Variants in ABCD3 observed in about 807,000 individuals in gnomAD.
ABCD3 encodes the protein ATP-binding cassette sub-family D member 3.
Under a neutral mutation model 105.5 loss-of-function variants are expected in ABCD3, and 41 were observed. That is an observed-to-expected ratio of 0.39 (90% confidence interval 0.30 to 0.50). The LOEUF (loss-of-function observed/expected upper bound fraction) is 0.50. ABCD3 is among the 20% of genes least tolerant of loss of function. The pLI is 0.84. For missense variants in ABCD3, 622 were observed against 806.3 expected (o/e 0.77, Z 2.77); for synonymous variants, 258 against 269.0 (o/e 0.96, Z 0.40).
chr1:94,464,627 G>A (rs561115441), intron 2 of ABCD3, 148 bp from the exon 3 acceptor site: 57 of 710,030 alleles, frequency 8.0e-5, no homozygotes, highest in Non-Finnish European at 1.0e-4. Context: ...TTGAATATGA[G>A]GAGCAGTGTA....
chr1:94,467,713 A>AATCT (rs1249218548), intron 3 of ABCD3, among the ~76,000 whole-genome samples: 1 of 152,202 alleles, frequency 6.6e-6, no homozygotes, highest in East Asian at 1.9e-4. Context: ...AGATTAAATG[A>AATCT]ATCTATGAGG....
the ABCD3 span, among the ~76,000 whole-genome samples, chr1:94,392,083 C>A: frequency 6.6e-6 from 1 of 152,124 alleles, no homozygotes; most frequent in Non-Finnish European, 1.5e-5. Flanking sequence ...GCCTTAGGTT[C>A]TTTGCCTTCA....
intron 21 of ABCD3, 41 bp from the exon 22 acceptor site, chr1:94,515,097 ATTTGTGAC>A (rs756837005): frequency 1.4e-5 from 20 of 1,434,592 alleles, no homozygotes; most frequent in Middle Eastern, 1.8e-4. Context: ...GACTAGTTTA[ATTTGTGAC>A]TCTGTTACTC....
At chr1:94,449,683 C>T (rs1459110183) in intron 1 of ABCD3, among the ~76,000 whole-genome samples, 1 of 152,186 alleles carries the variant, frequency 6.6e-6, no homozygotes, top group Non-Finnish European at 1.5e-5. Flanking sequence ...GGCAGAGGTG[C>T]TGCACAGTGA....
intron 1 of ABCD3, among the ~76,000 whole-genome samples, chr1:94,439,283 T>A (rs376162388): frequency 2.4e-4 from 37 of 152,288 alleles, no homozygotes; most frequent in African/African-American, 8.9e-4. Context: ...GGCTAATCTC[T>A]TTTGCTTTTC....
At chr1:94,456,225 C>T (rs536120657) in intron 1 of ABCD3, among the ~76,000 whole-genome samples, 19 of 149,112 alleles carry the variant, frequency 1.3e-4, no homozygotes, top group East Asian at 3.9e-4. Flanking sequence ...TAATGTCCCC[C>T]GGTTCATCCA....
the ABCD3 span, among the ~76,000 whole-genome samples, chr1:94,402,228 G>T: frequency 1.2e-4 from 19 of 152,142 alleles, no homozygotes; most frequent in Non-Finnish European, 4.4e-5. Context: ...CCAGTTTTAG[G>T]AGGTTATGAA....
chr1:94,478,185 A>G, intron 7 of ABCD3, 74 bp from the exon 8 acceptor site: 1 of 890,098 alleles, frequency 1.1e-6, no homozygotes, highest in South Asian at 1.4e-5. Flanking sequence ...GACATTTTAT[A>G]GTTAACATGT....
At chr1:94,452,314 G>A (rs1411179430) in intron 1 of ABCD3, among the ~76,000 whole-genome samples, 1 of 152,204 alleles carries the variant, frequency 6.6e-6, no homozygotes, top group Non-Finnish European at 1.5e-5. Context: ...AAAAGAGATA[G>A]TATATGAGCA....
chr1:94,502,235 T>TATCCTTCTCTCATTTTTC (rs1027566816), intron 20 of ABCD3, among the ~76,000 whole-genome samples: 10 of 152,196 alleles, frequency 6.6e-5, no homozygotes, highest in Non-Finnish European at 1.3e-4. Flanking sequence ...TACTTATTTT[T>TATCCTTCTCTCATTTTTC]ATCCTTCTCT....
chr1:94,394,659 A>G, the ABCD3 span, among the ~76,000 whole-genome samples: 1 of 152,196 alleles, frequency 6.6e-6, no homozygotes, highest in African/African-American at 2.4e-5. Context: ...TTCAGGGGAC[A>G]TGAGGATTCA....
At chr1:94,413,050 C>CA in the ABCD3 span, among the ~76,000 whole-genome samples, 17 of 150,468 alleles carry the variant, frequency 1.1e-4, no homozygotes, top group South Asian at 2.1e-4. Context: ...TTTTTAATCA[C>CA]AAAAAAAATG....
chr1:94,444,338 A>C (rs1482289478), intron 1 of ABCD3, among the ~76,000 whole-genome samples: 1 of 151,176 alleles, frequency 6.6e-6, no homozygotes, highest in Non-Finnish European at 1.5e-5. Flanking sequence ...TCTCAAAAAA[A>C]AAAAAAAAAA....
chr1:94,482,217 C>T (rs562258366), intron 9 of ABCD3: 12 of 152,202 alleles, frequency 7.9e-5, no homozygotes, highest in African/African-American at 2.9e-4. Context: ...AAACGCGTGA[C>T]AAATGTGTCA....
the ABCD3 span, among the ~76,000 whole-genome samples, chr1:94,399,255 GT>G: frequency 2.6e-5 from 4 of 151,368 alleles, no homozygotes; most frequent in Admixed American, 2.6e-4. Flanking sequence ...GTTCAAAAGT[GT>G]TATATTTTAT....
At chr1:94,483,041 C>T in intron 9 of ABCD3, 129 bp from the exon 10 acceptor site, 5 of 693,516 alleles carry the variant, frequency 7.2e-6, no homozygotes, top group South Asian at 1.7e-5. Flanking sequence ...GCTTGAGATG[C>T]ACCAGATAAG....
chr1:94,451,611 C>T (rs1046940033), intron 1 of ABCD3, among the ~76,000 whole-genome samples: 3 of 152,166 alleles, frequency 2.0e-5, no homozygotes, highest in African/African-American at 7.2e-5. Context: ...AAATCAACAT[C>T]TCTGCTCATG....
intron 13 of ABCD3, among the ~76,000 whole-genome samples, chr1:94,488,518 C>T (rs932411863): frequency 2.0e-5 from 3 of 151,910 alleles, no homozygotes; most frequent in Non-Finnish European, 1.5e-5. Context: ...TTCAGTATTT[C>T]AATCTCCAAT....
chr1:94,468,757 C>T (rs528735920), intron 4 of ABCD3, among the ~76,000 whole-genome samples: 23 of 152,032 alleles, frequency 1.5e-4, no homozygotes, highest in Admixed American at 8.5e-4. Context: ...TTAAATGCCC[C>T]AACATTTTGG....
Sources: allele counts gnomAD v4.1 joint callset (sites outside exome capture counted in the v4.1 genomes callset), GRCh38; gene constraint gnomAD v4.1.1; transcripts MANE v1.5; gene names NCBI Gene and HGNC (gene_info 2026-07-23, HGNC 2026-07-21).